The following USP40 variants were observed in gnomAD, a reference collection of about 807,000 sequenced individuals.
USP40 encodes ubiquitin specific peptidase 40, also known as ubiquitin carboxyl-terminal hydrolase 40.
Under a neutral mutation model 166.2 loss-of-function variants are expected in USP40, and 143 were observed. The observed-to-expected ratio is 0.86, with a 90% CI of 0.75 to 0.99. The LOEUF is 0.99. USP40 is among the 50% of genes least tolerant of loss of function. USP40 has a pLI of 0.00. For synonymous variants in USP40, 498 were observed against 524.0 expected, an observed-to-expected ratio of 0.95 and a Z score of 0.68; for missense variants, 1,444 against 1,479.7, an observed-to-expected ratio of 0.98 and a Z score of 0.40.
rs2065447239 is a variant in USP40, at chr2:233,493,007, A to C, written c.2917+418T>G. On this transcript the variant is annotated intron_variant, in intron 25 of 31. Coordinates refer to ENST00000678225, the MANE Select transcript of USP40 (RefSeq NM_001365479.2). The surrounding 1 kb of genome is among the most constrained non-coding windows in gnomAD (Gnocchi z 4.7). ...CTAGAAGCAGTTCCTGAGGGTTTTG[A>C]GGCAGAAAGATTGGAAGACATGTAG... 1 of 201,762 alleles carries C rather than the reference A, an allele frequency of 5.0e-6. No homozygotes were observed. Among genetic ancestry groups the C allele is most frequent in the African/African-American group, 2.3e-5 (1 of 43,302 alleles). 12.5% of individuals were successfully genotyped at this position (201,762 alleles called of 1,614,324 possible).
chr2:233,496,682 A>T (rs2065766936), intron 24 of USP40, 76 bp downstream of exon 24: 1 of 1,277,490 alleles, frequency 7.8e-7, no homozygotes, highest in Non-Finnish European at 1.1e-6. Flanking sequence ...CATTTTCCCT[A>T]AATGAGGCTG....
chr2:233,527,371 C>T (rs764117468), intron 13 of USP40, 36 bp downstream of exon 13: 66 of 1,598,814 alleles, frequency 4.1e-5, no homozygotes, highest in Non-Finnish European at 4.9e-5. Context: ...AGATGGTGCT[C>T]GATGTCTGAA....
intron 8 of USP40, among the ~76,000 whole-genome samples, chr2:233,545,083 A>T (rs2069784241): frequency 6.6e-6 from 1 of 152,206 alleles, no homozygotes; most frequent in Non-Finnish European, 1.5e-5. Context: ...GCAAAGCAAG[A>T]AGCCTACAGT....
Position 233,512,554 on chromosome 2 carries a change from A to G in USP40, c.2437+15T>C. 1 of 1,565,756 alleles carries G rather than the reference A, an allele frequency of 6.4e-7. No individual in the cohort carries two copies. The highest frequency in any genetic ancestry group is 8.7e-7 in the Non-Finnish European group (1 of 1,155,948). On this transcript the variant is annotated intron_variant, in intron 19 of 31. Coordinates refer to ENST00000678225, the MANE Select transcript of USP40 (RefSeq NM_001365479.2). ...GAGTATAAGCCACCTTTTGAAAGTT[A>G]TCAAAAAGATTTACCTGGACAAAGA...
intron 18 of USP40, among the ~76,000 whole-genome samples, chr2:233,513,308 G>A (rs1468063017): frequency 6.6e-6 from 1 of 151,258 alleles, no homozygotes; most frequent in African/African-American, 2.5e-5. Flanking sequence ...GTTTCTTTGT[G>A]TACTTTCTTC....
At chr2:233,556,240 T>G (rs1025684674) in intron 5 of USP40, among the ~76,000 whole-genome samples, 1 of 152,112 alleles carries the variant, frequency 6.6e-6, no homozygotes, top group Non-Finnish European at 1.5e-5. Flanking sequence ...ATTGACTATA[T>G]AAGATTTGTA....
intron 11 of USP40, among the ~76,000 whole-genome samples, chr2:233,531,400 A>G (rs1275468296): frequency 6.6e-6 from 1 of 152,226 alleles, no homozygotes; most frequent in Non-Finnish European, 1.5e-5. Context: ...CCAAAAAAGT[A>G]CACCTAGATT....
At chr2:233,491,342 A>G in intron 25 of USP40, 81 bp from the exon 26 acceptor site, 1 of 1,026,520 alleles carries the variant, frequency 9.7e-7, no homozygotes, top group Non-Finnish European at 1.5e-6. Flanking sequence ...ATGTTTTGAT[A>G]TTGTAAATAG....
rs751568956 is a variant in USP40 at position 233,549,162 on chromosome 2, T to C, written c.905A>G (p.Tyr302Cys). The C allele has an allele frequency of 5.0e-6, 8 of 1,590,332 alleles. No homozygotes were observed. The highest frequency in any genetic ancestry group is 6.9e-6 in the Non-Finnish European group (8 of 1,163,646). The change falls in exon 8 of 32, where the codon TAC becomes TGC. Residue 302 changes from tyrosine to cysteine, a missense_variant. Physicochemically the swap from Tyr to Cys is radical, Grantham distance 194 (BLOSUM62 -2). Transcript: ENST00000678225. ...FSVIIHKGGC[Y>C]GGHYHVYIKD... is the part of the protein sequence containing the mutation. ...AATATATACATGGTAATGGCCTCCGTAGCAGCCACCTTTGTGTATAATAAC... is the reference window on the plus strand; with the variant it reads ...AATATATACATGGTAATGGCCTCCGCAGCAGCCACCTTTGTGTATAATAAC...
intron 5 of USP40, among the ~76,000 whole-genome samples, chr2:233,556,361 T>C (rs980408324): frequency 2.6e-5 from 4 of 152,116 alleles, no homozygotes; most frequent in African/African-American, 9.7e-5. Context: ...CTAATTAACA[T>C]AGGATTACAA....
chr2:233,526,610 G>GA lies in USP40; in HGVS notation c.1725+796dup, dbSNP rs749020972. On this transcript the variant is annotated intron_variant, in intron 13 of 31. Transcript: ENST00000678225. ...GAAAATTCATTTAACTAATTTCTGGGAAAAAACACAAAAAAGCTAACATTT... is the reference window on the plus strand; with the variant it reads ...GAAAATTCATTTAACTAATTTCTGGGAAAAAAACACAAAAAAGCTAACATTT... Among the ~76,000 whole-genome samples the GA allele has an allele frequency of 5.9e-4, 90 of 152,116 alleles. 1 individual carries two copies. The highest frequency in any genetic ancestry group is 1.1e-3 in the Non-Finnish European group (74 of 67,982).
chr2:233,556,972 G>A lies in USP40; in HGVS notation c.429C>T (p.Ser143=), dbSNP rs146417018. 1,865 of 1,613,796 alleles carry A rather than the reference G, an allele frequency of 1.2e-3. 9 individuals carry two copies. In the African/African-American group the frequency reaches 0.022, roughly 19 times the overall value. Residue 143 remains serine, a synonymous_variant, in exon 5 of 32, where the codon AGC becomes AGT. Coordinates refer to ENST00000678225, the MANE Select transcript of USP40 (RefSeq NM_001365479.2). The stretch of plus-strand genomic sequence containing the variant: ...TCCCAACTAAAGAAGTTTCCAAAGC[G>A]CTGAAGAGGATTCGATTCAGTTCCT... ...DVQELNRILF[S]ALETSLVGTS...
At chr2:233,516,708 A>G (rs2067223306) in intron 18 of USP40, among the ~76,000 whole-genome samples, 1 of 151,586 alleles carries the variant, frequency 6.6e-6, no homozygotes, top group Non-Finnish European at 1.5e-5. Flanking sequence ...AAAAAGAAAA[A>G]TTAGCTGGAC....
intron 18 of USP40, among the ~76,000 whole-genome samples, chr2:233,518,097 G>A (rs2067367694): frequency 6.6e-6 from 1 of 151,202 alleles, no homozygotes; most frequent in Non-Finnish European, 1.5e-5. Flanking sequence ...CGTGTGATAG[G>A]TGCACCAAAA....
Position 233,496,972 on chromosome 2 carries a change from A to C in USP40, c.2716-140T>G. On this transcript the variant is annotated intron_variant, in intron 23 of 31. Coordinates refer to ENST00000678225, the MANE Select transcript of USP40 (RefSeq NM_001365479.2). Reference sequence around the variant, plus strand: ...GCAGATATGGAAGACACAGGAAATAAGCTAAGACTATAAAATCAGTACAGC... The same window carrying C: ...GCAGATATGGAAGACACAGGAAATACGCTAAGACTATAAAATCAGTACAGC... 2 of 604,664 alleles carry C rather than the reference A, an allele frequency of 3.3e-6. 1 individual carries two copies. Among genetic ancestry groups the C allele is most frequent in the South Asian group, 4.8e-5 (2 of 41,954 alleles). The allele number at this position is 604,664 out of a possible 1,614,324, so 37.5% of individuals were successfully genotyped here. A position where few individuals can be genotyped will look rare whatever the true frequency, so the allele number is the denominator to read the frequency against.
intron 31 of USP40, among the ~76,000 whole-genome samples, chr2:233,478,421 G>A (rs1553550712): frequency 6.6e-6 from 1 of 152,158 alleles, no homozygotes; most frequent in Non-Finnish European, 1.5e-5. Flanking sequence ...TTTATCATGA[G>A]TGAATGGCTG....
intron 20 of USP40, 94 bp from the exon 21 acceptor site, chr2:233,510,229 C>A: frequency 2.2e-6 from 2 of 906,658 alleles, no homozygotes; most frequent in South Asian, 3.3e-5. Context: ...AGCCAAGGGC[C>A]CATGAAACTT....
At chr2:233,537,257 C>G (rs1363019032) in intron 10 of USP40, among the ~76,000 whole-genome samples, 1 of 152,116 alleles carries the variant, frequency 6.6e-6, no homozygotes, top group East Asian at 1.9e-4. Flanking sequence ...TATGCAAATA[C>G]TATGCCATTT....
intron 24 of USP40, among the ~76,000 whole-genome samples, chr2:233,495,719 TGGGTGGCTG>T (rs1461377432): frequency 6.6e-6 from 1 of 152,152 alleles, no homozygotes; most frequent in Non-Finnish European, 1.5e-5. Context: ...GAGAGGACAC[TGGGTGGCTG>T]GACCCAGAGA....
Sources: gnomAD v4.1 joint callset for allele counts (sites outside exome capture counted in the v4.1 genomes callset) on GRCh38, gnomAD v4.1.1 for gene constraint, Gnocchi (gnomAD v3.1) non-coding constraint, MANE v1.5 for transcripts, NCBI Gene and HGNC (gene_info 2026-07-23, HGNC 2026-07-21) for gene names.